Variants in BRSK2 observed in about 807,000 individuals in gnomAD.
BRSK2 encodes the protein BR serine/threonine kinase 2.
BRSK2 carries 19 observed loss-of-function variants against 83.3 expected under a neutral mutation model. The ratio of observed to expected loss-of-function variants is 0.23; its 90% CI spans 0.16 to 0.33. BRSK2 has a LOEUF of 0.33. BRSK2 is among the 10% of genes least tolerant of loss of function. The probability of loss-of-function intolerance (pLI) is 1.00; values close to 1 mark genes in which losing one functional copy is unlikely to be tolerated. For missense variants in BRSK2, 798 were observed against 1,042.3 expected (o/e 0.77, Z 3.23); for synonymous variants, 519 against 435.4 (o/e 1.19, Z -2.39).
chr11:1,446,113 A>ACTAGACAGG (rs1564859315), intron 12 of BRSK2, among the ~76,000 whole-genome samples: 1 of 97,872 alleles, frequency 1.0e-5, no homozygotes, highest in African/African-American at 4.0e-5. Context: ...CTGGGCTGGG[A>ACTAGACAGG]GCTGAGCTGG....
chr11:1,447,676 C>A, intron 12 of BRSK2: 1 of 878,074 alleles, frequency 1.1e-6, no homozygotes, highest in Non-Finnish European at 1.8e-6. Flanking sequence ...CTCTCGCCAT[C>A]TTTGTGCAGC....
chr11:1,448,081 A>G (rs1852403407), intron 12 of BRSK2, among the ~76,000 whole-genome samples: 1 of 152,076 alleles, frequency 6.6e-6, no homozygotes, highest in African/African-American at 2.4e-5. Flanking sequence ...CCTGTGAGGG[A>G]CCACGCACCA....
At chr11:1,444,110 C>T (rs890987658) in intron 8 of BRSK2, among the ~76,000 whole-genome samples, 1 of 152,040 alleles carries the variant, frequency 6.6e-6, no homozygotes, top group Non-Finnish European at 1.5e-5. Context: ...GCTGTGTGCA[C>T]ATGTAGGTGA....
intron 18 of BRSK2, among the ~76,000 whole-genome samples, chr11:1,457,767 C>T (rs1052532536): frequency 6.6e-5 from 10 of 152,166 alleles, no homozygotes; most frequent in African/African-American, 2.4e-4. Context: ...CCCATGACAT[C>T]CTCATTCCAT....
At position 1,445,342 on chromosome 11, in the gene BRSK2, G is replaced by A. The variant is rs777086439; in HGVS notation, c.861G>A (p.Val287=). The A allele has an allele frequency of 1.2e-6, 2 of 1,611,814 alleles. No homozygotes were observed. The highest frequency in any genetic ancestry group is 1.7e-6 in the Non-Finnish European group (2 of 1,179,552). The change falls in exon 10 of 20, where the codon GTG becomes GTA. Residue 287 remains valine (V), a synonymous_variant. Coordinates refer to ENST00000528841, the MANE Select transcript of BRSK2 (RefSeq NM_001256627.2). ...CAGAGCAGCCCATTCCTCGCAAGGT[G>A]CAGATCCGCTCGCTGCCCAGCCTGG... The part of the protein sequence containing the change: ...PEPEQPIPRK[V]QIRSLPSLED...
In BRSK2 at chr11:1,461,992, T is replaced by C. The variant is rs932657646; in HGVS notation, c.*1269T>C. 2.0e-5 allele frequency: 3 copies of C among 152,034 alleles called. No individual in the cohort carries two copies. Among genetic ancestry groups the C allele is most frequent in the Non-Finnish European group, 2.9e-5 (2 of 68,002 alleles). The allele number at this position is 152,034 out of a possible 1,614,324, so 9.4% of individuals were successfully genotyped here. A position where few individuals can be genotyped will look rare whatever the true frequency, so the allele number is the denominator to read the frequency against. On this transcript the variant is annotated 3_prime_UTR_variant, in exon 20 of 20. Coordinates refer to ENST00000528841, the MANE Select transcript of BRSK2 (RefSeq NM_001256627.2). ...GCGCCCCTCTGTCAGGCTGGGGCAA[T>C]CTTGGTTTTGTGTCCAAAGGTGAAG... is the stretch of plus-strand genomic sequence containing the variant.
At chr11:1,412,666 GTCT>G (rs1847651552) in intron 1 of BRSK2, among the ~76,000 whole-genome samples, 2 of 152,022 alleles carry the variant, frequency 1.3e-5, no homozygotes, top group South Asian at 4.1e-4. Flanking sequence ...GAGCTGAGGT[GTCT>G]GTGGGAAAAC....
intron 1 of BRSK2, among the ~76,000 whole-genome samples, chr11:1,416,774 G>A (rs531298352): frequency 6.6e-6 from 1 of 152,236 alleles, no homozygotes; most frequent in South Asian, 2.1e-4. Flanking sequence ...TCCTCCAGGT[G>A]TCTGTCCTGC....
intron 1 of BRSK2, among the ~76,000 whole-genome samples, chr11:1,393,066 C>G (rs1230195473): frequency 6.6e-6 from 1 of 152,192 alleles, no homozygotes; most frequent in Non-Finnish European, 1.5e-5. Flanking sequence ...GCTGCCTTAG[C>G]TTTTCTTGGG....
At position 1,462,401 on chromosome 11, in the gene BRSK2, T is replaced by G. The variant is rs1590752736; in HGVS notation, c.*1678T>G. On this transcript the variant is annotated 3_prime_UTR_variant, in exon 20 of 20. Coordinates refer to ENST00000528841, the MANE Select transcript of BRSK2 (RefSeq NM_001256627.2). ...CTCCCACCCACCTCGTGTATAGATT[T>G]TAACGCTTCTGTTAACATTAGACCT... 6.6e-6 allele frequency: 1 copy of G among 152,310 alleles called. No individual in the cohort carries two copies. 9.4% of individuals were successfully genotyped at this position (152,310 alleles called of 1,614,324 possible).
chr11:1,396,216 TGGTCCCTCTTCCCTTCCACCCA>T (rs1200878545), intron 1 of BRSK2, among the ~76,000 whole-genome samples: 45 of 115,660 alleles, frequency 3.9e-4, no homozygotes, highest in Middle Eastern at 4.6e-3. Context: ...CCCCCACTCC[TGGTCCCTCTTCCCTTCCACCCA>T]CGTCCCCCAC....
intron 12 of BRSK2, among the ~76,000 whole-genome samples, chr11:1,446,158 A>AGCTGGGCTGGCCTGG (rs1324820744): frequency 1.5e-5 from 2 of 134,852 alleles, no homozygotes; most frequent in African/African-American, 5.8e-5. Context: ...GGCTAGGCTG[A>AGCTGGGCTGGCCTGG]GCTGGGCTGG....
At chr11:1,391,515 G>A (rs1477258174) in intron 1 of BRSK2, among the ~76,000 whole-genome samples, 1 of 152,342 alleles carries the variant, frequency 6.6e-6, no homozygotes, top group East Asian at 1.9e-4. Flanking sequence ...CAGAGCTGCA[G>A]GAAGGGGTTT....
In BRSK2 at chr11:1,454,725, C is replaced by G; in HGVS notation, c.1668+117C>G. 7.5e-7 allele frequency: 1 copy of G among 1,335,208 alleles called. No individual in the cohort carries two copies. Among genetic ancestry groups the G allele is most frequent in the Non-Finnish European group, 1.0e-6 (1 of 980,666 alleles). 82.7% of individuals were successfully genotyped at this position (1,335,208 alleles called of 1,614,324 possible). On this transcript the variant is annotated intron_variant, in intron 16 of 19. Coordinates refer to ENST00000528841, the MANE Select transcript of BRSK2 (RefSeq NM_001256627.2). This position sits in a 1 kb window ranked among gnomAD's most constrained non-coding sequence, Gnocchi z 5.2. ...ATGTCCACGCGCACAGCACGGACGT[C>G]CGCTCACCCGTGGGCCTGCCTGGCC... is the stretch of plus-strand genomic sequence containing the variant.
intron 8 of BRSK2, among the ~76,000 whole-genome samples, chr11:1,444,345 TCA>T: frequency 6.6e-6 from 1 of 152,214 alleles, no homozygotes; most frequent in Admixed American, 6.5e-5. Flanking sequence ...CAGAAGCAGG[TCA>T]CACTCTGGGC....
chr11:1,460,639 T>G lies in BRSK2; in HGVS notation c.2127T>G (p.Pro709=). The change falls in exon 20 of 20, where the codon CCT becomes CCG. Residue 709 remains proline (P), a synonymous_variant. Coordinates refer to ENST00000528841, the MANE Select transcript of BRSK2 (RefSeq NM_001256627.2). Reference sequence around the variant, plus strand: ...TCGGTGACTCCGCGGCCGCTGGCCCTGGCCCCGGAGGGGACGCCGAGTACC... The same window carrying G: ...TCGGTGACTCCGCGGCCGCTGGCCCGGGCCCCGGAGGGGACGCCGAGTACC... ...GPLGDSAAAG[P]GPGGDAEYPT... is the part of the protein sequence containing the mutation. 1 of 1,529,006 alleles carries G rather than the reference T, an allele frequency of 6.5e-7. No individual in the cohort carries two copies. Among genetic ancestry groups the G allele is most frequent in the Non-Finnish European group, 8.7e-7 (1 of 1,143,006 alleles). 94.7% of individuals were successfully genotyped at this position (1,529,006 alleles called of 1,614,324 possible). A position where few individuals can be genotyped will look rare whatever the true frequency, so the allele number is the denominator to read the frequency against.
intron 1 of BRSK2, among the ~76,000 whole-genome samples, chr11:1,418,403 G>T (rs913920915): frequency 6.8e-6 from 1 of 147,168 alleles, no homozygotes; most frequent in African/African-American, 2.6e-5. Context: ...GCTTCTGTTG[G>T]CTGTTTCTTC....
chr11:1,423,045 C>T lies in BRSK2; in HGVS notation c.92-12995C>T, dbSNP rs960745926. ...AGGGGAGGGCAATGCAGCTTGGGAGCCTTAGCTCAGCCAGACAGCAGCCCG... is the reference window on the plus strand; with the variant it reads ...AGGGGAGGGCAATGCAGCTTGGGAGTCTTAGCTCAGCCAGACAGCAGCCCG... On this transcript the variant is annotated intron_variant, in intron 1 of 19. Transcript: ENST00000528841. This position sits in a 1 kb window ranked among gnomAD's most constrained non-coding sequence, Gnocchi z 6.5. Among the ~76,000 whole-genome samples, 2 of 152,184 alleles carry T rather than the reference C, an allele frequency of 1.3e-5. No individual in the cohort carries two copies. Among genetic ancestry groups the T allele is most frequent in the Non-Finnish European group, 2.9e-5 (2 of 68,026 alleles).
intron 15 of BRSK2, among the ~76,000 whole-genome samples, chr11:1,452,699 GC>G (rs1397481510): frequency 6.6e-6 from 1 of 151,792 alleles, no homozygotes; most frequent in Non-Finnish European, 1.5e-5. Context: ...ACAGATGCCT[GC>G]GACAGCCGTT....
Sources: allele counts gnomAD v4.1 joint callset (sites outside exome capture counted in the v4.1 genomes callset), GRCh38; gene constraint gnomAD v4.1.1; non-coding constraint Gnocchi (gnomAD v3.1); transcripts MANE v1.5; gene names NCBI Gene and HGNC (gene_info 2026-07-23, HGNC 2026-07-21).